The following UBE2F variants were observed in gnomAD, a reference collection of about 807,000 sequenced individuals.
UBE2F encodes the protein NEDD8-conjugating enzyme UBE2F.
In UBE2F, 5 loss-of-function variants were observed where a neutral mutation model predicts 29.6. That is an observed-to-expected ratio of 0.17 (90% CI 0.09 to 0.36). The LOEUF (loss-of-function observed/expected upper bound fraction) is 0.36, where lower values mean the gene tolerates loss of function less well. UBE2F is among the 10% of genes least tolerant of loss of function. The pLI, the probability that UBE2F is intolerant of heterozygous loss-of-function variation, is 1.00. For missense variants in UBE2F, 141 were observed against 228.5 expected (o/e 0.62, Z 2.47); for synonymous variants, 66 against 81.8 (o/e 0.81, Z 1.04).
chr2:238,026,594 C>T (rs1342104571), intron 6 of UBE2F, among the ~76,000 whole-genome samples: 3 of 152,090 alleles, frequency 2.0e-5, no homozygotes, highest in African/African-American at 4.8e-5. Flanking sequence ...CCACTACGCC[C>T]GGCTAATTTT....
At chr2:237,997,806 A>G (rs990121972) in intron 4 of UBE2F, among the ~76,000 whole-genome samples, 1 of 152,246 alleles carries the variant, frequency 6.6e-6, no homozygotes, top group Non-Finnish European at 1.5e-5. Context: ...CACTCTTTAG[A>G]GAAAAACATG....
At chr2:237,990,139 C>G (rs1017677407) in intron 3 of UBE2F, among the ~76,000 whole-genome samples, 1 of 141,830 alleles carries the variant, frequency 7.1e-6, no homozygotes, top group African/African-American at 2.6e-5. Context: ...AAAAAGTTAT[C>G]TTTCTACCCA....
At chr2:238,017,953 A>G (rs914656458) in intron 5 of UBE2F, among the ~76,000 whole-genome samples, 19 of 152,194 alleles carry the variant, frequency 1.2e-4, no homozygotes, top group African/African-American at 9.7e-5. Flanking sequence ...ACCTTCATCT[A>G]TGGAAATTGA....
At chr2:237,996,506 ACT>A (rs1308857284) in intron 4 of UBE2F, among the ~76,000 whole-genome samples, 1 of 138,152 alleles carries the variant, frequency 7.2e-6, no homozygotes, top group Non-Finnish European at 1.6e-5. Context: ...ACCAAGTCTC[ACT>A]CTGCCACCCA....
chr2:238,008,662 T>C (rs945183893), intron 4 of UBE2F, among the ~76,000 whole-genome samples: 11 of 152,208 alleles, frequency 7.2e-5, no homozygotes, highest in Admixed American at 6.5e-4. Context: ...TTTGTTCATG[T>C]CTTTGTTATT....
rs1264076833 is a variant in UBE2F at position 238,042,492 on chromosome 2, T to C, written c.*1154T>C. 1 of 152,280 alleles carries C rather than the reference T, an allele frequency of 6.6e-6. No homozygotes were observed. Among genetic ancestry groups the C allele is most frequent in the Admixed American group, 6.5e-5 (1 of 15,288 alleles). 9.4% of individuals were successfully genotyped at this position (152,280 alleles called of 1,614,324 possible). A position where few individuals can be genotyped will look rare whatever the true frequency, so the allele number is the denominator to read the frequency against. On this transcript the variant is annotated 3_prime_UTR_variant, in exon 10 of 10. Coordinates refer to ENST00000272930, the MANE Select transcript of UBE2F (RefSeq NM_080678.3). ...TATGCCATCCTCGGCCAGGTTAATA[T>C]ACTGCAGAGGAAAAGCCCTGAAGAG... is the stretch of plus-strand genomic sequence containing the variant.
intron 5 of UBE2F, among the ~76,000 whole-genome samples, chr2:238,018,157 G>A (rs762334004): frequency 1.3e-5 from 2 of 152,154 alleles, no homozygotes; most frequent in Admixed American, 6.5e-5. Flanking sequence ...TGGCGACGGA[G>A]CACTGCACCA....
chr2:237,977,517 C>T (rs895773767), intron 2 of UBE2F, among the ~76,000 whole-genome samples: 3 of 152,164 alleles, frequency 2.0e-5, no homozygotes, highest in African/African-American at 4.8e-5. Context: ...CAAAGTGCAA[C>T]AAGAGTGCCT....
intron 4 of UBE2F, among the ~76,000 whole-genome samples, chr2:238,004,498 A>G (rs986706696): frequency 2.6e-5 from 4 of 151,876 alleles, no homozygotes. Flanking sequence ...TTCCTAGTCT[A>G]TGGCTCGTCT....
At position 237,973,234 on chromosome 2, in the gene UBE2F, C is replaced by T; in HGVS notation, c.118+9C>T. ...CAAATTGCTTGTTAAAGGTAATGATCATTCGTGTGAACTGTTTTTATATCC... is the reference window on the plus strand; with the variant it reads ...CAAATTGCTTGTTAAAGGTAATGATTATTCGTGTGAACTGTTTTTATATCC... On this transcript the variant is annotated intron_variant, in intron 2 of 9. Coordinates refer to ENST00000272930, the MANE Select transcript of UBE2F (RefSeq NM_080678.3). The T allele has an allele frequency of 4.3e-6, 7 of 1,612,376 alleles. No homozygotes were observed. The highest frequency in any genetic ancestry group is 5.9e-6 in the Non-Finnish European group (7 of 1,178,504).
chr2:238,031,811 G>A (rs1258239831), intron 7 of UBE2F, among the ~76,000 whole-genome samples: 2 of 152,208 alleles, frequency 1.3e-5, no homozygotes, highest in African/African-American at 2.4e-5. Context: ...ATCTACGACC[G>A]CAAGAGGCAG....
chr2:237,986,740 G>T (rs1176582781), intron 2 of UBE2F, among the ~76,000 whole-genome samples: 1 of 152,158 alleles, frequency 6.6e-6, no homozygotes, highest in African/African-American at 2.4e-5. Flanking sequence ...TGAATATCCA[G>T]TTTTCCCAAC....
intron 4 of UBE2F, among the ~76,000 whole-genome samples, chr2:238,014,828 A>T (rs897159887): frequency 6.6e-6 from 1 of 152,250 alleles, no homozygotes; most frequent in African/African-American, 2.4e-5. Flanking sequence ...TACTCTGAGT[A>T]TTTTATATCT....
chr2:237,991,369 T>C (rs377704241), intron 3 of UBE2F, among the ~76,000 whole-genome samples: 3 of 152,184 alleles, frequency 2.0e-5, no homozygotes, highest in African/African-American at 7.2e-5. Context: ...TTGCCTTGTA[T>C]CAGTACCACT....
chr2:237,969,368 C>T (rs1348655675), intron 1 of UBE2F, among the ~76,000 whole-genome samples: 2 of 152,156 alleles, frequency 1.3e-5, no homozygotes, highest in East Asian at 1.9e-4. Flanking sequence ...TCTCCCCAGG[C>T]TTCCCTGAGC....
At chr2:238,027,508 G>A (rs2064459736) in intron 6 of UBE2F, among the ~76,000 whole-genome samples, 1 of 152,320 alleles carries the variant, frequency 6.6e-6, no homozygotes, top group Admixed American at 6.5e-5. Flanking sequence ...AGGAGTGTGT[G>A]ACAGAGAGCG....
chr2:237,981,690 G>A (rs1388571326), intron 2 of UBE2F, among the ~76,000 whole-genome samples: 6 of 125,032 alleles, frequency 4.8e-5, no homozygotes, highest in African/African-American at 6.2e-5. Context: ...GCAGTGGTAC[G>A]ATCTCAGCAC....
intron 2 of UBE2F, among the ~76,000 whole-genome samples, chr2:237,984,002 T>C (rs1198584030): frequency 1.3e-5 from 2 of 151,866 alleles, no homozygotes; most frequent in Non-Finnish European, 2.9e-5. Flanking sequence ...CTCATTGTGC[T>C]CCCAGCCTTG....
intron 4 of UBE2F, among the ~76,000 whole-genome samples, chr2:238,003,056 C>T (rs2063828846): frequency 6.6e-6 from 1 of 152,150 alleles, no homozygotes; most frequent in Admixed American, 6.5e-5. Flanking sequence ...TAGTAGTTTA[C>T]ATGTAGTTTA....
Sources: allele counts gnomAD v4.1 joint callset (sites outside exome capture counted in the v4.1 genomes callset), GRCh38; gene constraint gnomAD v4.1.1; transcripts MANE v1.5; gene names NCBI Gene and HGNC (gene_info 2026-07-23, HGNC 2026-07-21).